Variants in C1QTNF3 observed in about 807,000 individuals in gnomAD.
C1QTNF3 encodes complement C1q tumor necrosis factor-related protein 3.
Under a neutral mutation model 32.6 loss-of-function variants are expected in C1QTNF3, and 26 were observed. That is an observed-to-expected ratio of 0.80 (90% confidence interval 0.58 to 1.11). The LOEUF (loss-of-function observed/expected upper bound fraction) is 1.11. Among genes scored for constraint, C1QTNF3 ranks in the 50% least tolerant of loss-of-function variants. The probability of loss-of-function intolerance (pLI) is 0.00; values close to 1 mark genes in which losing one functional copy is unlikely to be tolerated. For synonymous variants in C1QTNF3, 155 were observed against 146.0 expected (o/e 1.06, Z -0.44); for missense variants, 362 against 398.2 (o/e 0.91, Z 0.77).
chr5:34,039,415 GTC>G (rs1221732785), intron 1 of C1QTNF3, among the ~76,000 whole-genome samples: 4 of 152,064 alleles, frequency 2.6e-5, no homozygotes, highest in Admixed American at 6.5e-5. Context: ...ACTTGCGTTG[GTC>G]TCTCCTTCCG....
At chr5:34,197,140 A>G in the C1QTNF3 span, among the ~76,000 whole-genome samples, 3 of 152,394 alleles carry the variant, frequency 2.0e-5, no homozygotes, top group African/African-American at 7.2e-5. Context: ...AACGTTCTTT[A>G]AAGAACAAAA....
At chr5:34,025,806 G>A (rs299602) in intron 4 of C1QTNF3, among the ~76,000 whole-genome samples, 63,176 of 152,110 alleles carry the variant, frequency 0.42, 13,919 homozygotes, top group South Asian at 0.65. Context: ...AGGCATTAAT[G>A]TAATCTGTGG....
intron 3 of C1QTNF3, among the ~76,000 whole-genome samples, chr5:34,030,794 G>C (rs1017380782): frequency 6.6e-6 from 1 of 152,134 alleles, no homozygotes; most frequent in Non-Finnish European, 1.5e-5. Context: ...AACATGGATG[G>C]AACGGGAGGC....
chr5:34,132,429 GTGTA>G, the C1QTNF3 span, among the ~76,000 whole-genome samples: 8 of 34,368 alleles, frequency 2.3e-4, no homozygotes, highest in African/African-American at 7.7e-4. Context: ...GTATGTGTAT[GTGTA>G]TGTATATATA....
At chr5:34,218,849 CA>C in the C1QTNF3 span, among the ~76,000 whole-genome samples, 1 of 151,700 alleles carries the variant, frequency 6.6e-6, no homozygotes, top group African/African-American at 2.4e-5. Flanking sequence ...TTACATTAAG[CA>C]AAAAAGTACC....
At chr5:34,228,840 C>T in the C1QTNF3 span, among the ~76,000 whole-genome samples, 10 of 151,230 alleles carry the variant, frequency 6.6e-5, no homozygotes, top group African/African-American at 2.4e-4. Flanking sequence ...TCCTCTATGC[C>T]GTCCTTAGTC....
the C1QTNF3 span, among the ~76,000 whole-genome samples, chr5:34,241,115 A>T: frequency 1.3e-5 from 2 of 152,136 alleles, no homozygotes; most frequent in Non-Finnish European, 2.9e-5. Context: ...TCAACAGTTG[A>T]GGCTTCAAAT....
At chr5:34,187,001 T>A in the C1QTNF3 span, among the ~76,000 whole-genome samples, 209 of 151,116 alleles carry the variant, frequency 1.4e-3, no homozygotes, top group African/African-American at 5.0e-3. Flanking sequence ...TGCATTGGAA[T>A]AATTCCCACG....
chr5:34,040,712 G>A (rs1056779273), intron 1 of C1QTNF3, among the ~76,000 whole-genome samples: 15 of 152,116 alleles, frequency 9.9e-5, no homozygotes, highest in African/African-American at 3.6e-4. Context: ...CACTAAAGTC[G>A]TGTAATGTCC....
At chr5:34,162,272 A>G in the C1QTNF3 span, among the ~76,000 whole-genome samples, 2 of 152,170 alleles carry the variant, frequency 1.3e-5, no homozygotes, top group African/African-American at 2.4e-5. Context: ...GAAGGTCAAG[A>G]GTAGGCAAAA....
chr5:34,217,019 A>C, the C1QTNF3 span, among the ~76,000 whole-genome samples: 1 of 152,194 alleles, frequency 6.6e-6, no homozygotes. Context: ...TATTATCTCC[A>C]GTGTTTAACA....
chr5:34,139,604 ATATTT>A, the C1QTNF3 span, among the ~76,000 whole-genome samples: 1 of 151,648 alleles, frequency 6.6e-6, no homozygotes, highest in East Asian at 1.9e-4. Context: ...TAGAAACAAT[ATATTT>A]TTTTTTACTT....
At chr5:34,115,647 C>T in the C1QTNF3 span, among the ~76,000 whole-genome samples, 33 of 151,074 alleles carry the variant, frequency 2.2e-4, no homozygotes, top group East Asian at 5.9e-3. Context: ...AGGAGAATGG[C>T]GTGAACCCGG....
chr5:34,150,170 T>A, the C1QTNF3 span, among the ~76,000 whole-genome samples: 1 of 46,764 alleles, frequency 2.1e-5, no homozygotes, highest in Admixed American at 2.4e-4. Context: ...TCCTAAATAT[T>A]TATGCACCCA....
the C1QTNF3 span, among the ~76,000 whole-genome samples, chr5:34,093,153 C>A: frequency 3.9e-5 from 6 of 151,994 alleles, no homozygotes; most frequent in Non-Finnish European, 8.8e-5. Context: ...GCTACTGCAG[C>A]CAACAATAGC....
the C1QTNF3 span, among the ~76,000 whole-genome samples, chr5:34,217,406 C>T: frequency 2.0e-5 from 3 of 152,086 alleles, no homozygotes; most frequent in African/African-American, 7.2e-5. Flanking sequence ...AGTACATAAG[C>T]TTCCCATTTT....
At chr5:34,133,247 T>A in the C1QTNF3 span, among the ~76,000 whole-genome samples, 1 of 152,320 alleles carries the variant, frequency 6.6e-6, no homozygotes, top group East Asian at 1.9e-4. Context: ...GAAATCATAA[T>A]AGCTGTGGGT....
the C1QTNF3 span, among the ~76,000 whole-genome samples, chr5:34,164,527 A>G: frequency 1.3e-5 from 2 of 151,542 alleles, no homozygotes; most frequent in African/African-American, 2.4e-5. Flanking sequence ...TATATTATGG[A>G]AAAGAAAAAC....
chr5:34,142,901 C>T, the C1QTNF3 span, among the ~76,000 whole-genome samples: 11 of 152,130 alleles, frequency 7.2e-5, no homozygotes, highest in Non-Finnish European at 1.2e-4. Flanking sequence ...CAAAGGAGTC[C>T]ACTAGCTCCC....
Sources: gnomAD v4.1 joint callset for allele counts (sites outside exome capture counted in the v4.1 genomes callset) on GRCh38, gnomAD v4.1.1 for gene constraint, MANE v1.5 for transcripts, NCBI Gene and HGNC (gene_info 2026-07-23, HGNC 2026-07-21) for gene names.